FGF14: variants seen among roughly 807,000 people sequenced by gnomAD.
The protein encoded by FGF14 is fibroblast growth factor 14, also known as fibroblast growth factor homologous factor 4.
A neutral mutation model predicts 25.5 loss-of-function variants in FGF14; 5 were observed. The observed-to-expected ratio is 0.20, with a 90% CI of 0.10 to 0.41. The LOEUF (loss-of-function observed/expected upper bound fraction) is 0.41. Ranked by LOEUF, FGF14 falls within the 10% of genes least tolerant of loss-of-function variation. FGF14 has a pLI of 1.00. For missense variants in FGF14, 222 were observed against 320.1 expected, an observed-to-expected ratio of 0.69 and a Z score of 2.34; for synonymous variants, 138 against 118.3, an observed-to-expected ratio of 1.17 and a Z score of -1.08.
At chr13:102,122,330 C>T (rs2045762068) in intron 1 of FGF14, among the ~76,000 whole-genome samples, 1 of 152,164 alleles carries the variant, frequency 6.6e-6, no homozygotes, top group Non-Finnish European at 1.5e-5. Flanking sequence ...TGGATTATCT[C>T]GAAATCCTAA....
At chr13:102,082,344 G>C (rs2043665015) in intron 1 of FGF14, among the ~76,000 whole-genome samples, 1 of 151,780 alleles carries the variant, frequency 6.6e-6, no homozygotes, top group Non-Finnish European at 1.5e-5. Flanking sequence ...TCTCTTGTTA[G>C]CTTGTATTCA....
At chr13:102,112,463 G>T (rs1331024819) in intron 1 of FGF14, among the ~76,000 whole-genome samples, 1 of 152,138 alleles carries the variant, frequency 6.6e-6, no homozygotes, top group East Asian at 1.9e-4. Context: ...GTTTTGTATT[G>T]ATTTTTTTTC....
intron 1 of FGF14, among the ~76,000 whole-genome samples, chr13:101,895,189 C>A (rs1029682768): frequency 6.6e-6 from 1 of 152,092 alleles, no homozygotes; most frequent in African/African-American, 2.4e-5. Flanking sequence ...CTTCAGAGAT[C>A]TTACCTAAGT....
At position 101,875,190 on chromosome 13, in the gene FGF14, A is replaced by G; in HGVS notation, c.300T>C (p.Asn100=). The G allele has an allele frequency of 6.2e-7, 1 of 1,610,328 alleles. No homozygotes were observed. Among genetic ancestry groups the G allele is most frequent in the Middle Eastern group, 1.7e-4 (1 of 6,046 alleles). ...TGGCCTGAGGTTGTCACTTACTAGAATTAGTGCTGTCATCCTTGGTTCCAT... is the reference window on the plus strand; with the variant it reads ...TGGCCTGAGGTTGTCACTTACTAGAGTTAGTGCTGTCATCCTTGGTTCCAT... ...ALDGTKDDST[N]STLFNLIPVG... The change falls in exon 2 of 5, where the codon AAT becomes AAC. Residue 100 remains asparagine, a synonymous_variant. Transcript: ENST00000376143.
chr13:101,834,887 T>C (rs1426216254), intron 3 of FGF14, among the ~76,000 whole-genome samples: 9 of 152,108 alleles, frequency 5.9e-5, no homozygotes, highest in Non-Finnish European at 1.5e-5. Flanking sequence ...AGTTTCTTAC[T>C]AATCTTAACC....
chr13:102,023,969 A>G (rs1008565548), intron 1 of FGF14, among the ~76,000 whole-genome samples: 2 of 152,028 alleles, frequency 1.3e-5, no homozygotes, highest in African/African-American at 4.8e-5. Flanking sequence ...ATGTCTTTTT[A>G]TTGACAAGTA....
intron 1 of FGF14, among the ~76,000 whole-genome samples, chr13:101,976,912 T>G (rs2037962747): frequency 6.6e-6 from 1 of 152,228 alleles, no homozygotes; most frequent in South Asian, 2.1e-4. Context: ...TGTGTCATTA[T>G]GAGTTTGCTG....
chr13:101,927,505 G>T (rs1290706221), intron 1 of FGF14, among the ~76,000 whole-genome samples: 3 of 152,070 alleles, frequency 2.0e-5, no homozygotes, highest in African/African-American at 4.8e-5. Context: ...TTATGTCATG[G>T]GTATTTGAGT....
intron 1 of FGF14, among the ~76,000 whole-genome samples, chr13:102,109,047 T>C (rs1454495066): frequency 6.6e-6 from 1 of 152,162 alleles, no homozygotes; most frequent in African/African-American, 2.4e-5. Flanking sequence ...CACATAAACA[T>C]ATAAGTAAAG....
At chr13:101,770,607 A>G (rs1566879468) in intron 3 of FGF14, among the ~76,000 whole-genome samples, 1 of 152,132 alleles carries the variant, frequency 6.6e-6, no homozygotes, top group Non-Finnish European at 1.5e-5. Context: ...CATTTCTGTA[A>G]CTACAGAACA....
At chr13:102,093,405 A>G (rs1436010475) in intron 1 of FGF14, among the ~76,000 whole-genome samples, 2 of 152,214 alleles carry the variant, frequency 1.3e-5, no homozygotes, top group Admixed American at 1.3e-4. Context: ...TTATAACTGC[A>G]CAAAATTAAC....
chr13:102,234,979 T>G (rs1346040829), intron 1 of FGF14, among the ~76,000 whole-genome samples: 1 of 152,196 alleles, frequency 6.6e-6, no homozygotes, highest in East Asian at 1.9e-4. Context: ...TGCAGCTATA[T>G]CTCAGGTTTC....
chr13:101,826,784 C>T (rs568760593), intron 3 of FGF14, among the ~76,000 whole-genome samples: 66 of 151,976 alleles, frequency 4.3e-4, no homozygotes, highest in African/African-American at 1.4e-3. Context: ...ATTTAACAGA[C>T]GTCTGCAAAT....
At chr13:102,262,112 C>T (rs191345690) in intron 1 of FGF14, among the ~76,000 whole-genome samples, 90 of 152,262 alleles carry the variant, frequency 5.9e-4, no homozygotes, top group African/African-American at 2.2e-3. Context: ...TTTAGTATCA[C>T]ACTATTGGGA....
At chr13:102,184,697 G>T (rs1225072706) in intron 1 of FGF14, among the ~76,000 whole-genome samples, 1 of 152,178 alleles carries the variant, frequency 6.6e-6, no homozygotes, top group Admixed American at 6.6e-5. Context: ...GAACATCCGT[G>T]TAGATGAGGG....
At chr13:102,214,634 G>A (rs1439363187) in intron 1 of FGF14, among the ~76,000 whole-genome samples, 2 of 152,280 alleles carry the variant, frequency 1.3e-5, no homozygotes, top group East Asian at 3.9e-4. Context: ...CATCTGGAAT[G>A]ATCTCCTCTC....
intron 1 of FGF14, among the ~76,000 whole-genome samples, chr13:101,966,112 A>G (rs1056800477): frequency 7.9e-5 from 12 of 152,228 alleles, no homozygotes; most frequent in Non-Finnish European, 1.6e-4. Flanking sequence ...TGATAAGTTG[A>G]AGTTTTAAAC....
At chr13:102,176,992 G>C (rs2048477227) in intron 1 of FGF14, among the ~76,000 whole-genome samples, 1 of 152,092 alleles carries the variant, frequency 6.6e-6, no homozygotes. Context: ...AAAAACAGGA[G>C]TCAGCTGTAG....
In FGF14 at chr13:102,088,552, C is replaced by A. The variant is rs557318344; in HGVS notation, c.209-213256G>T. Among the ~76,000 whole-genome samples, 269 of 152,148 alleles carry A rather than the reference C, an allele frequency of 1.8e-3. 1 individual carries two copies. Among genetic ancestry groups the A allele is most frequent in the African/African-American group, 5.9e-3 (247 of 41,520 alleles). ...AGGTCAAAAATACCACATTTTCAAG[C>A]TTTATGGTAAAAGATACTTCACTGC... On this transcript the variant is annotated intron_variant, in intron 1 of 4. Coordinates refer to the FGF14 transcript ENST00000376131.
Sources: gnomAD v4.1 joint callset for allele counts (sites outside exome capture counted in the v4.1 genomes callset) on GRCh38, gnomAD v4.1.1 for gene constraint, MANE v1.5 for transcripts, NCBI Gene and HGNC (gene_info 2026-07-23, HGNC 2026-07-21) for gene names.